RTN4IP1: variants seen among roughly 807,000 people sequenced by gnomAD.
RTN4IP1 encodes NAD(P)H oxidoreductase RTN4IP1, mitochondrial.
Under a neutral mutation model 46.6 loss-of-function variants are expected in RTN4IP1, and 32 were observed. That is an observed-to-expected ratio of 0.69 (90% CI 0.52 to 0.92). The LOEUF (loss-of-function observed/expected upper bound fraction) is 0.92. Among genes scored for constraint, RTN4IP1 ranks in the 40% least tolerant of loss-of-function variants. The probability of loss-of-function intolerance (pLI) is 0.00; values close to 1 mark genes in which losing one functional copy is unlikely to be tolerated. For synonymous variants in RTN4IP1, 167 were observed against 161.8 expected, an observed-to-expected ratio of 1.03 and a Z score of -0.24; for missense variants, 424 against 485.8, an observed-to-expected ratio of 0.87 and a Z score of 1.20.
upstream of RTN4IP1, chr6:106,629,673 A>T (rs1224073433): frequency 6.2e-7 from 1 of 1,604,798 alleles, no homozygotes; most frequent in South Asian, 1.1e-5. Flanking sequence ...CAGGCTGGGC[A>T]CGAGGACCAT....
rs562944300 is a variant in RTN4IP1 at position 106,619,701 on chromosome 6, T to C, written c.496-375A>G. 4.3e-3 allele frequency among the ~76,000 whole-genome samples: 591 copies of C among 138,098 alleles called. 4 individuals are homozygous for C. Among genetic ancestry groups the C allele is most frequent in the African/African-American group, 0.015 (569 of 37,346 alleles). The allele number at this position is 138,098 out of a possible 152,430, so 90.6% of individuals were successfully genotyped here. On this transcript the variant is annotated intron_variant, in intron 3 of 8. Transcript: ENST00000369063. The stretch of plus-strand genomic sequence containing the variant: ...ATCTCGGCTCACTGCAAGCTCCGCC[T>C]CCCGGGTTCACACCATTCTCCTGCC...
intron 4 of RTN4IP1, among the ~76,000 whole-genome samples, chr6:106,616,647 T>C (rs930777865): frequency 3.3e-5 from 5 of 152,220 alleles, no homozygotes; most frequent in Non-Finnish European, 7.3e-5. Context: ...TCACAATGAA[T>C]AGTCAAATGG....
rs781079556 is a variant in RTN4IP1 at position 106,621,588 on chromosome 6, T to A, written c.427-95A>T. On this transcript the variant is annotated intron_variant, in intron 2 of 8. Coordinates refer to ENST00000369063, the MANE Select transcript of RTN4IP1 (RefSeq NM_032730.5). Reference sequence around the variant, plus strand: ...GTGTTCCCTAATATATACCCTGTGCTGTGAAAAACACAGAAGTCAGCACTA... The same window carrying A: ...GTGTTCCCTAATATATACCCTGTGCAGTGAAAAACACAGAAGTCAGCACTA... The A allele has an allele frequency of 1.0e-6, 1 of 961,546 alleles. No individual in the cohort carries two copies. Among genetic ancestry groups the A allele is most frequent in the East Asian group, 2.4e-5 (1 of 41,742 alleles). 59.6% of individuals were successfully genotyped at this position (961,546 alleles called of 1,614,324 possible).
chr6:106,598,699 A>G (rs1416683603), intron 5 of RTN4IP1, among the ~76,000 whole-genome samples: 3 of 151,732 alleles, frequency 2.0e-5, no homozygotes, highest in Non-Finnish European at 2.9e-5. Flanking sequence ...TCTTTAGTTT[A>G]ATTAGATCCC....
chr6:106,605,001 C>T (rs577244522), intron 4 of RTN4IP1, among the ~76,000 whole-genome samples: 1 of 152,296 alleles, frequency 6.6e-6, no homozygotes, highest in East Asian at 1.9e-4. Context: ...CCACTGCTGG[C>T]CCTCATGCAC....
intron 8 of RTN4IP1, 140 bp downstream of exon 8, chr6:106,583,188 C>T: frequency 1.6e-6 from 1 of 620,748 alleles, no homozygotes; most frequent in Non-Finnish European, 2.9e-6. Flanking sequence ...AGCATGTAAA[C>T]TTGGCCATGT....
rs1244793612 is a variant in RTN4IP1, at chr6:106,571,922, T to C, written c.*74A>G. The C allele has an allele frequency of 1.1e-6, 1 of 923,504 alleles. No homozygotes were observed. The highest frequency in any genetic ancestry group is 1.6e-5 in the African/African-American group (1 of 60,628). The allele number at this position is 923,504 out of a possible 1,614,324, so 57.2% of individuals were successfully genotyped here. On this transcript the variant is annotated 3_prime_UTR_variant, in exon 9 of 9. Coordinates refer to ENST00000369063, the MANE Select transcript of RTN4IP1 (RefSeq NM_032730.5). ...AATCTGGAAAAATGTTTGAAAGGGA[T>C]GGCTAGAAAAAAATTTGGGCTCACA...
chr6:106,587,912 A>T (rs1304314784), intron 6 of RTN4IP1, 50 bp from the exon 7 acceptor site: 2 of 1,486,368 alleles, frequency 1.3e-6, no homozygotes, highest in South Asian at 2.5e-5. Context: ...TTTACACTGG[A>T]CTCTGATCCT....
At position 106,619,338 on chromosome 6, in the gene RTN4IP1, G is replaced by A; in HGVS notation, c.496-12C>T. On this transcript the variant is annotated splice_polypyrimidine_tract_variant and intron_variant, in intron 3 of 8. Transcript: ENST00000369063. Reference sequence around the variant, plus strand: ...GGTTTGTGAGAGACCTACATTTGAAGACAACAGTCAAAAATAAGCAATGAC... The same window carrying A: ...GGTTTGTGAGAGACCTACATTTGAAAACAACAGTCAAAAATAAGCAATGAC... The A allele has an allele frequency of 1.9e-6, 3 of 1,613,634 alleles. No individual in the cohort carries two copies. The highest frequency in any genetic ancestry group is 2.5e-6 in the Non-Finnish European group (3 of 1,179,878).
chr6:106,629,639 C>G, upstream of RTN4IP1: 1 of 1,583,540 alleles, frequency 6.3e-7, no homozygotes, highest in Non-Finnish European at 8.6e-7. Flanking sequence ...CCTCTTTTTC[C>G]CCCTTGCCTG....
At chr6:106,572,155 G>T in intron 8 of RTN4IP1, 52 bp from the exon 9 acceptor site, 1 of 1,374,636 alleles carries the variant, frequency 7.3e-7, no homozygotes, top group Non-Finnish European at 1.0e-6. Flanking sequence ...CATCTTTCAA[G>T]GCAGATGACA....
At chr6:106,581,788 G>A (rs1003623597) in intron 8 of RTN4IP1, among the ~76,000 whole-genome samples, 6 of 152,198 alleles carry the variant, frequency 3.9e-5, no homozygotes, top group African/African-American at 1.4e-4. Flanking sequence ...GTAATTTCCA[G>A]GCAGAGAGAG....
chr6:106,573,111 G>C (rs562706133), intron 8 of RTN4IP1, among the ~76,000 whole-genome samples: 2 of 152,248 alleles, frequency 1.3e-5, no homozygotes, highest in Non-Finnish European at 2.9e-5. Context: ...TTTCAATGCT[G>C]CTGGGTCTTT....
intron 8 of RTN4IP1, 83 bp from the exon 9 acceptor site, chr6:106,572,186 G>A (rs944088014): frequency 6.6e-5 from 73 of 1,114,324 alleles, no homozygotes; most frequent in African/African-American, 3.4e-4. Flanking sequence ...GTTTCTTGAC[G>A]GTGTCCCTCA....
chr6:106,589,955 C>A (rs1008032799), intron 6 of RTN4IP1, among the ~76,000 whole-genome samples: 2 of 152,206 alleles, frequency 1.3e-5, no homozygotes, highest in African/African-American at 4.8e-5. Context: ...GGAGCCTAGA[C>A]TGAGTGTCCT....
intron 1 of RTN4IP1, among the ~76,000 whole-genome samples, chr6:106,626,637 C>T (rs576682593): frequency 1.3e-5 from 2 of 152,264 alleles, no homozygotes; most frequent in Admixed American, 6.5e-5. Context: ...AGCCTTGGCT[C>T]ACTGTTACTA....
chr6:106,599,691 C>T (rs1393196176), intron 5 of RTN4IP1, among the ~76,000 whole-genome samples: 1 of 152,068 alleles, frequency 6.6e-6, no homozygotes, highest in African/African-American at 2.4e-5. Context: ...ACTCATTTTA[C>T]TGTTGATGGA....
At chr6:106,582,411 C>T (rs1775392061) in intron 8 of RTN4IP1, among the ~76,000 whole-genome samples, 1 of 152,194 alleles carries the variant, frequency 6.6e-6, no homozygotes, top group African/African-American at 2.4e-5. Context: ...AGTCTCAAAT[C>T]AGCTTCAAGC....
chr6:106,617,345 T>C (rs975831526), intron 4 of RTN4IP1, among the ~76,000 whole-genome samples: 13 of 152,314 alleles, frequency 8.5e-5, no homozygotes, highest in South Asian at 4.1e-4. Flanking sequence ...CTCTTTGCAA[T>C]GGGTTTCACT....
Sources: allele counts gnomAD v4.1 joint callset (sites outside exome capture counted in the v4.1 genomes callset), GRCh38; gene constraint gnomAD v4.1.1; transcripts MANE v1.5; gene names NCBI Gene and HGNC (gene_info 2026-07-23, HGNC 2026-07-21).